Variants in AFF2 observed in about 807,000 individuals in gnomAD.
AFF2 encodes the protein AF4/FMR2 family member 2.
In AFF2, 14 loss-of-function variants were observed where a neutral mutation model predicts 76.9. The observed-to-expected ratio is 0.18, with a 90% CI of 0.12 to 0.28. AFF2 has a LOEUF of 0.28. Ranked by LOEUF, AFF2 falls within the 10% of genes least tolerant of loss-of-function variation. The pLI is 1.00. For missense variants in AFF2, 868 were observed against 1,001.1 expected, an observed-to-expected ratio of 0.87 and a Z score of 1.79; for synonymous variants, 398 against 366.7, an observed-to-expected ratio of 1.09 and a Z score of -0.98.
intron 1 of AFF2, among the ~76,000 whole-genome samples, chrX:148,557,760 A>C (rs2053067808): frequency 8.9e-6 from 1 of 112,476 alleles, no homozygotes; most frequent in Admixed American, 9.4e-5. Context: ...GCATGGAAAC[A>C]TTCTCAAAAA....
intron 7 of AFF2, among the ~76,000 whole-genome samples, chrX:148,872,521 A>G (rs1288323862): frequency 5.3e-5 from 6 of 112,169 alleles, no homozygotes; most frequent in Non-Finnish European, 1.1e-4. Context: ...TATCCATTCC[A>G]TCAGTTCATT....
At chrX:148,634,121 A>C (rs1245752627) in intron 1 of AFF2, among the ~76,000 whole-genome samples, 1 of 111,509 alleles carries the variant, frequency 9.0e-6, no homozygotes, top group East Asian at 2.8e-4. Context: ...CCTTTGATTG[A>C]AGGTTGTTTT....
chrX:148,802,070 G>T (rs1196475615), intron 3 of AFF2, among the ~76,000 whole-genome samples: 1 of 112,225 alleles, frequency 8.9e-6, no homozygotes, highest in African/African-American at 3.2e-5. Context: ...CACACTTTAA[G>T]AATTCATTTT....
chrX:148,630,668 C>T (rs781863659), intron 1 of AFF2, among the ~76,000 whole-genome samples: 18 of 111,966 alleles, frequency 1.6e-4, no homozygotes, highest in Non-Finnish European at 3.2e-4. Flanking sequence ...TTCCTGTCCC[C>T]AGCCAGCCTG....
chrX:148,654,855 G>T (rs1271459865), intron 2 of AFF2, among the ~76,000 whole-genome samples: 1 of 109,391 alleles, frequency 9.1e-6, no homozygotes, highest in Non-Finnish European at 1.9e-5. Flanking sequence ...GGAATAAGGA[G>T]ATAAGTTTTA....
intron 1 of AFF2, among the ~76,000 whole-genome samples, chrX:148,507,279 A>T (rs2052430957): frequency 8.9e-6 from 1 of 112,605 alleles, no homozygotes; most frequent in South Asian, 3.7e-4. Flanking sequence ...GATACAGAAG[A>T]AGATTAATAG....
chrX:148,810,962 G>A (rs1005759434), intron 4 of AFF2, among the ~76,000 whole-genome samples: 5 of 111,494 alleles, frequency 4.5e-5, no homozygotes, highest in Non-Finnish European at 9.4e-5. Context: ...TGCAGCCAAA[G>A]GAATAGTCAA....
intron 3 of AFF2, among the ~76,000 whole-genome samples, chrX:148,766,872 C>T (rs1335498272): frequency 9.0e-6 from 1 of 111,714 alleles, no homozygotes; most frequent in Admixed American, 9.5e-5. Context: ...CTCAGAAGTG[C>T]CAAAAGAAAC....
intron 18 of AFF2, 133 bp downstream of exon 18, chrX:148,978,588 A>AAGGG: frequency 2.2e-6 from 1 of 456,699 alleles, no homozygotes; most frequent in Non-Finnish European, 3.7e-6. Flanking sequence ...TGGCCGTCCT[A>AAGGG]CCCTTCCTTA....
At chrX:148,531,921 A>G (rs1418944888) in intron 1 of AFF2, among the ~76,000 whole-genome samples, 1 of 111,146 alleles carries the variant, frequency 9.0e-6, no homozygotes, top group African/African-American at 3.3e-5. Context: ...AAAAAAAGCA[A>G]AATATTGAAC....
intron 3 of AFF2, among the ~76,000 whole-genome samples, chrX:148,717,582 A>T (rs1186046133): frequency 1.8e-5 from 2 of 111,985 alleles, no homozygotes; most frequent in African/African-American, 6.5e-5. Flanking sequence ...ACCTACATTT[A>T]AAAAAATGGA....
At chrX:148,698,801 T>TG (rs2054752460) in intron 3 of AFF2, among the ~76,000 whole-genome samples, 2 of 104,020 alleles carry the variant, frequency 1.9e-5, no homozygotes, top group African/African-American at 7.2e-5. Flanking sequence ...TCTAGTGTTT[T>TG]TTTTTTTTTT....
chrX:148,633,259 A>G (rs1388729254), intron 1 of AFF2, among the ~76,000 whole-genome samples: 1 of 111,951 alleles, frequency 8.9e-6, no homozygotes, highest in Non-Finnish European at 1.9e-5. Context: ...CAAAGAGATT[A>G]CCGGGCCAAC....
chrX:148,521,267 C>A (rs1201081101), intron 1 of AFF2, among the ~76,000 whole-genome samples: 1 of 109,911 alleles, frequency 9.1e-6, no homozygotes, highest in African/African-American at 3.3e-5. Context: ...AATTACAAAC[C>A]CAGGAAAGCT....
chrX:148,883,711 A>G (rs895402827), intron 7 of AFF2, among the ~76,000 whole-genome samples: 1 of 111,102 alleles, frequency 9.0e-6, no homozygotes, highest in African/African-American at 3.3e-5. Context: ...TCTAGGTTCC[A>G]TGTTTGTCTC....
At chrX:148,559,008 C>T (rs1186552549) in intron 1 of AFF2, among the ~76,000 whole-genome samples, 1 of 110,490 alleles carries the variant, frequency 9.1e-6, no homozygotes, top group Non-Finnish European at 1.9e-5. Flanking sequence ...ATAGGAGTGA[C>T]CATTGAGATT....
At chrX:148,759,073 C>G (rs1355043062) in intron 3 of AFF2, among the ~76,000 whole-genome samples, 12 of 112,036 alleles carry the variant, frequency 1.1e-4, no homozygotes, top group African/African-American at 3.6e-4. Flanking sequence ...TGCACCCAGC[C>G]AAGAATATGT....
intron 3 of AFF2, among the ~76,000 whole-genome samples, chrX:148,756,911 G>A (rs1460199225): frequency 8.9e-6 from 1 of 112,409 alleles, no homozygotes; most frequent in African/African-American, 3.2e-5. Flanking sequence ...CCCCTGGTCA[G>A]GGTGGGAGTT....
chrX:148,843,459 G>A (rs2070627330), intron 7 of AFF2, 26 bp downstream of exon 7: 5 of 1,174,360 alleles, frequency 4.3e-6, no homozygotes, highest in Non-Finnish European at 4.6e-6. Context: ...TCCAAATCAG[G>A]CCTTTTTGGG....
Sources: allele counts gnomAD v4.1 joint callset (sites outside exome capture counted in the v4.1 genomes callset), GRCh38; gene constraint gnomAD v4.1.1; transcripts MANE v1.5; gene names NCBI Gene and HGNC (gene_info 2026-07-23, HGNC 2026-07-21).